The following RBMS2 variants were observed in gnomAD, a reference collection of about 807,000 sequenced individuals.
The protein encoded by RBMS2 is RNA binding motif single stranded interacting protein 2.
A neutral mutation model predicts 58.4 loss-of-function variants in RBMS2; 38 were observed. The ratio of observed to expected loss-of-function variants is 0.65; its 90% CI spans 0.50 to 0.85. The LOEUF is 0.85. RBMS2 is among the 40% of genes least tolerant of loss of function. The pLI is 0.00. For missense variants in RBMS2, 367 were observed against 503.7 expected, an observed-to-expected ratio of 0.73 and a Z score of 2.60; for synonymous variants, 151 against 180.7, an observed-to-expected ratio of 0.84 and a Z score of 1.32.
rs1438120465 is a variant in RBMS2 at position 56,595,586 on chromosome 12, A to AAACAC, written c.*6456_*6460dup. ...CTTCACACTTTTTTTTTTTTAAATA[A>AAACAC]AACACAAAAGTCTACGTCTTGGTGT... On this transcript the variant is annotated 3_prime_UTR_variant, in exon 14 of 14. Coordinates refer to ENST00000262031, the MANE Select transcript of RBMS2 (RefSeq NM_002898.4). 6.6e-6 allele frequency: 1 copy of AAACAC among 151,902 alleles called. No individual in the cohort carries two copies. The highest frequency in any genetic ancestry group is 1.5e-5 in the Non-Finnish European group (1 of 67,986). The allele number at this position is 151,902 out of a possible 1,614,324, so 9.4% of individuals were successfully genotyped here. A position where few individuals can be genotyped will look rare whatever the true frequency, so the allele number is the denominator to read the frequency against.
chr12:56,581,984 G>A, intron 8 of RBMS2, 75 bp from the exon 9 acceptor site: 1 of 1,568,778 alleles, frequency 6.4e-7, no homozygotes, highest in Non-Finnish European at 8.8e-7. Context: ...AGGGAACGTT[G>A]GCTGTGCCTA....
Position 56,590,456 on chromosome 12 carries a change from G to T in RBMS2, c.*1323G>T, listed in dbSNP as rs944244140. 1 of 152,296 alleles carries T rather than the reference G, an allele frequency of 6.6e-6. No individual in the cohort carries two copies. Among genetic ancestry groups the T allele is most frequent in the Non-Finnish European group, 1.5e-5 (1 of 68,152 alleles). The allele number at this position is 152,296 out of a possible 1,614,324, so 9.4% of individuals were successfully genotyped here. A position where few individuals can be genotyped will look rare whatever the true frequency, so the allele number is the denominator to read the frequency against. On this transcript the variant is annotated 3_prime_UTR_variant, in exon 14 of 14. Coordinates refer to ENST00000262031, the MANE Select transcript of RBMS2 (RefSeq NM_002898.4). ...TAGTGGCTGCTAAACATCCTACACT[G>T]CATAGGATAGTCCCCACTACCCCCA...
At chr12:56,544,220 G>A (rs1463278678) in intron 1 of RBMS2, among the ~76,000 whole-genome samples, 1 of 152,076 alleles carries the variant, frequency 6.6e-6, no homozygotes, top group African/African-American at 2.4e-5. Flanking sequence ...AGCTTGCAAT[G>A]AGCCGAGATC....
In RBMS2 at chr12:56,558,228, A is replaced by T. The variant is rs1214994965; in HGVS notation, c.67-4189A>T. Among the ~76,000 whole-genome samples the T allele has an allele frequency of 7.8e-5, 11 of 141,298 alleles. No homozygotes were observed. The East Asian group carries it at 2.1e-3, about 27-fold the overall frequency. 92.7% of individuals were successfully genotyped at this position (141,298 alleles called of 152,430 possible). On this transcript the variant is annotated intron_variant, in intron 1 of 13. Transcript: ENST00000262031. ...ACGCCCAGCTAATTTCTGTATTTTT[A>T]GTAGAGACGGGGTTTTGCCATGTTG...
intron 5 of RBMS2, among the ~76,000 whole-genome samples, chr12:56,575,008 C>T (rs1017915046): frequency 1.3e-5 from 2 of 151,516 alleles, no homozygotes; most frequent in East Asian, 1.9e-4. Flanking sequence ...ATTAGCCGGG[C>T]GTGGTGGCGG....
intron 4 of RBMS2, among the ~76,000 whole-genome samples, chr12:56,571,202 C>T (rs555958236): frequency 2.0e-5 from 3 of 152,276 alleles, no homozygotes; most frequent in Admixed American, 6.5e-5. Context: ...TTCAGGGCTC[C>T]GTGGTGACAC....
intron 1 of RBMS2, among the ~76,000 whole-genome samples, chr12:56,553,168 C>T (rs1277552275): frequency 4.0e-5 from 6 of 151,788 alleles, no homozygotes; most frequent in South Asian, 2.1e-4. Flanking sequence ...CTGCCTGCCT[C>T]GGCCTCCCAA....
rs910766143 is a variant in RBMS2, at chr12:56,579,287, T to C, written c.543-1897T>C. ...CCAACAGAAGACCACAGCTCTACGA[T>C]ACCTAATGTGTGGTTTTCTCTAAAA... On this transcript the variant is annotated intron_variant, in intron 5 of 13. Transcript: ENST00000262031. 3.3e-5 allele frequency among the ~76,000 whole-genome samples: 5 copies of C among 152,318 alleles called. No individual in the cohort carries two copies. The East Asian group carries it at 9.6e-4, about 29-fold the overall frequency.
chr12:56,582,265 C>A, intron 9 of RBMS2, 113 bp downstream of exon 9: 1 of 916,132 alleles, frequency 1.1e-6, no homozygotes, highest in Non-Finnish European at 1.7e-6. Flanking sequence ...AATCATATTA[C>A]ACACAATTTT....
rs768750605 is a variant in RBMS2, at chr12:56,568,534, TTTTTC to T, written c.234-436_234-432del. On this transcript the variant is annotated intron_variant, in intron 2 of 13. Transcript: ENST00000262031. ...TGTGGCATTTTTAACCCATTTCTTT[TTTTTC>T]TTTTTTTTTTTTTTTGAGATGTAGT... is the stretch of plus-strand genomic sequence containing the variant. Among the ~76,000 whole-genome samples the T allele has an allele frequency of 3.8e-3, 580 of 151,304 alleles. 14 individuals carry two copies. Among genetic ancestry groups the T allele is most frequent in the East Asian group, 0.029 (147 of 5,156 alleles).
chr12:56,561,812 C>T (rs1310383534), intron 1 of RBMS2, among the ~76,000 whole-genome samples: 4 of 149,612 alleles, frequency 2.7e-5, no homozygotes, highest in Admixed American at 6.7e-5. Flanking sequence ...TGAGCCACCG[C>T]GCCCGTCCTG....
intron 2 of RBMS2, 122 bp downstream of exon 2, chr12:56,562,705 A>G: frequency 8.9e-7 from 1 of 1,121,358 alleles, no homozygotes; most frequent in Non-Finnish European, 1.3e-6. Flanking sequence ...CTCCTGTCTC[A>G]GTAGCTGGGA....
chr12:56,565,446 A>G (rs887952884), intron 2 of RBMS2, among the ~76,000 whole-genome samples: 2 of 151,964 alleles, frequency 1.3e-5, no homozygotes, highest in East Asian at 1.9e-4. Flanking sequence ...GGCTGGTTCA[A>G]TCCACAAGTG....
At chr12:56,546,722 G>C (rs1217416461) in intron 1 of RBMS2, among the ~76,000 whole-genome samples, 1 of 151,980 alleles carries the variant, frequency 6.6e-6, no homozygotes, top group Non-Finnish European at 1.5e-5. Context: ...GACTGCCTCA[G>C]CCTCCCAAAG....
intron 9 of RBMS2, among the ~76,000 whole-genome samples, chr12:56,585,921 A>C (rs993336020): frequency 1.3e-5 from 2 of 152,100 alleles, no homozygotes; most frequent in Admixed American, 1.3e-4. Flanking sequence ...TGTGGCTCAT[A>C]CCTGTAATCC....
At chr12:56,528,249 CAA>C (rs35558222) in intron 1 of RBMS2, among the ~76,000 whole-genome samples, 14 of 135,612 alleles carry the variant, frequency 1.0e-4, no homozygotes, top group East Asian at 2.1e-4. Flanking sequence ...GACCATGTAT[CAA>C]AAAAAAAAAA....
intron 12 of RBMS2, chr12:56,588,616 A>AT: frequency 3.4e-6 from 2 of 583,592 alleles, no homozygotes; most frequent in South Asian, 4.3e-5. Flanking sequence ...AGCGTTCCAT[A>AT]TTTAAAAAAA....
At chr12:56,574,702 G>A (rs1592472519) in intron 5 of RBMS2, among the ~76,000 whole-genome samples, 1 of 152,238 alleles carries the variant, frequency 6.6e-6, no homozygotes, top group African/African-American at 2.4e-5. Context: ...ATGTCTACAA[G>A]TTTTCTTCAT....
intron 1 of RBMS2, among the ~76,000 whole-genome samples, chr12:56,533,177 T>G (rs1874085040): frequency 6.6e-6 from 1 of 152,044 alleles, no homozygotes; most frequent in South Asian, 2.1e-4. Flanking sequence ...CGTAGCTCAG[T>G]GCAGCCTGGA....
Sources: allele counts gnomAD v4.1 joint callset (sites outside exome capture counted in the v4.1 genomes callset), GRCh38; gene constraint gnomAD v4.1.1; transcripts MANE v1.5; gene names NCBI Gene and HGNC (gene_info 2026-07-23, HGNC 2026-07-21).